PCDHA9: variants seen among roughly 807,000 people sequenced by gnomAD.
The protein encoded by PCDHA9 is protocadherin alpha-9.
PCDHA9 carries 62 observed loss-of-function variants against 62.0 expected under a neutral mutation model. The ratio of observed to expected loss-of-function variants is 1.00; its 90% CI spans 0.81 to 1.23. The LOEUF is 1.23. Among genes scored for constraint, PCDHA9 ranks in the 50% most tolerant of loss-of-function variants. The pLI is 0.00. For synonymous variants in PCDHA9, 557 were observed against 567.6 expected (o/e 0.98, Z 0.27); for missense variants, 1,205 against 1,249.8 (o/e 0.96, Z 0.54).
rs2153691387 is a variant in PCDHA9, at chr5:140,951,014, G to C, written c.2395-27935G>C. Among the ~76,000 whole-genome samples the C allele has an allele frequency of 1.3e-5, 2 of 151,872 alleles. 1 individual carries two copies. Among genetic ancestry groups the C allele is most frequent in the Middle Eastern group, 6.8e-3 (2 of 294 alleles). On this transcript the variant is annotated intron_variant, in intron 1 of 3. Coordinates refer to ENST00000532602, the MANE Select transcript of PCDHA9 (RefSeq NM_031857.2). The stretch of plus-strand genomic sequence containing the variant: ...TTAGCTCCATTTTTCCCAAGATCAG[G>C]CAGTGAGTTTTAATTTCAAATATTA...
chr5:140,898,358 A>T (rs2153460143), intron 1 of PCDHA9, among the ~76,000 whole-genome samples: 1 of 152,260 alleles, frequency 6.6e-6, no homozygotes, highest in Non-Finnish European at 1.5e-5. Flanking sequence ...TCTTGAATTA[A>T]TTTTTGTATA....
At position 140,950,404 on chromosome 5, in the gene PCDHA9, T is replaced by C. The variant is rs947428237; in HGVS notation, c.2395-28545T>C. ...TTGAATGATATAGAATTCTGGGGGATTGACAGATTTTATTTTCTTCCACTT... is the reference window on the plus strand; with the variant it reads ...TTGAATGATATAGAATTCTGGGGGACTGACAGATTTTATTTTCTTCCACTT... On this transcript the variant is annotated intron_variant, in intron 1 of 3. Coordinates refer to ENST00000532602, the MANE Select transcript of PCDHA9 (RefSeq NM_031857.2). 2.0e-5 allele frequency among the ~76,000 whole-genome samples: 3 copies of C among 152,044 alleles called. 1 individual carries two copies. Among genetic ancestry groups the C allele is most frequent in the East Asian group, 1.9e-4 (1 of 5,204 alleles).
intron 1 of PCDHA9, among the ~76,000 whole-genome samples, chr5:140,938,877 A>ACACACACACACACAGATG (rs2092241507): frequency 1.3e-5 from 2 of 150,854 alleles, no homozygotes; most frequent in South Asian, 4.2e-4. Context: ...TTAAGAAGCA[A>ACACACACACACACAGATG]CACACACACA....
intron 1 of PCDHA9, chr5:140,869,070 A>G (rs1554162449): frequency 6.4e-7 from 1 of 1,572,828 alleles, no homozygotes; most frequent in Non-Finnish European, 8.6e-7. Flanking sequence ...TGTAAGTGTA[A>G]AGAAGCTTAT....
Position 140,849,336 on chromosome 5 carries a change from T to G in PCDHA9, c.841T>G (p.Phe281Val). 5.7e-6 allele frequency: 8 copies of G among 1,396,714 alleles called. No individual in the cohort carries two copies. Among genetic ancestry groups the G allele is most frequent in the Non-Finnish European group, 6.9e-6 (7 of 1,020,642 alleles). The allele number at this position is 1,396,714 out of a possible 1,614,324, so 86.5% of individuals were successfully genotyped here. A position where few individuals can be genotyped will look rare whatever the true frequency, so the allele number is the denominator to read the frequency against. ...EGLNGDIIYS[F>V]SSDVSPDIKS... ...CTTGAATGGGGATATTATTTACTCC[T>G]TCTCCAGTGATGTTTCTCCAGATAT... Residue 281 changes from phenylalanine to valine, a missense_variant, in exon 1 of 4, where the codon TTC becomes GTC. Coordinates refer to ENST00000532602, the MANE Select transcript of PCDHA9 (RefSeq NM_031857.2).
chr5:140,889,241 T>C (rs987868473), intron 1 of PCDHA9, among the ~76,000 whole-genome samples: 120 of 151,950 alleles, frequency 7.9e-4, no homozygotes, highest in African/African-American at 2.7e-3. Context: ...TCCAGAAAAT[T>C]TTCTGTTTCC....
intron 3 of PCDHA9, among the ~76,000 whole-genome samples, chr5:140,995,389 G>T (rs1377788418): frequency 6.6e-6 from 1 of 152,190 alleles, no homozygotes; most frequent in Non-Finnish European, 1.5e-5. Context: ...GCAGGATAAA[G>T]CGGGATGGCT....
chr5:140,937,199 G>A (rs2091405017), intron 1 of PCDHA9, among the ~76,000 whole-genome samples: 2 of 151,792 alleles, frequency 1.3e-5, no homozygotes, highest in Admixed American at 6.6e-5. Context: ...CACCATGCCC[G>A]GCTAATTTTT....
chr5:140,899,936 T>A (rs1443562291), intron 1 of PCDHA9, among the ~76,000 whole-genome samples: 1 of 152,064 alleles, frequency 6.6e-6, no homozygotes, highest in Non-Finnish European at 1.5e-5. Context: ...GCCTCCTGAA[T>A]AGCTGGGACC....
chr5:140,868,262 C>T (rs904607540), intron 1 of PCDHA9: 10 of 151,822 alleles, frequency 6.6e-5, no homozygotes, highest in African/African-American at 2.4e-4. Flanking sequence ...TTTGTGGATT[C>T]TTTTTTAAAA....
chr5:140,944,209 A>T (rs1003348568), intron 1 of PCDHA9, among the ~76,000 whole-genome samples: 5 of 152,298 alleles, frequency 3.3e-5, no homozygotes, highest in Non-Finnish European at 5.9e-5. Flanking sequence ...TTGTTTTTAA[A>T]GAGGGTTTTA....
intron 1 of PCDHA9, among the ~76,000 whole-genome samples, chr5:140,957,852 A>T (rs968818783): frequency 6.6e-6 from 1 of 151,658 alleles, no homozygotes. Flanking sequence ...GAGTTTGTGT[A>T]TTTTTTTTCC....
chr5:140,888,572 A>G (rs1354616132), intron 1 of PCDHA9, among the ~76,000 whole-genome samples: 1 of 152,196 alleles, frequency 6.6e-6, no homozygotes, highest in Admixed American at 6.5e-5. Context: ...GCTTCATTTT[A>G]AGATTTGTTA....
At chr5:140,905,211 G>T (rs1554191947) in intron 1 of PCDHA9, among the ~76,000 whole-genome samples, 1 of 152,130 alleles carries the variant, frequency 6.6e-6, no homozygotes, top group South Asian at 2.1e-4. Context: ...GTTGATTTTT[G>T]TGTAAGGTGA....
At chr5:140,966,687 G>A in intron 1 of PCDHA9, 1 of 1,340,546 alleles carries the variant, frequency 7.5e-7, no homozygotes, top group East Asian at 2.9e-5. Flanking sequence ...ACGAGCGGAG[G>A]CGGGGCCCGG....
chr5:140,872,381 A>G (rs1211312378), intron 1 of PCDHA9, among the ~76,000 whole-genome samples: 2 of 152,058 alleles, frequency 1.3e-5, no homozygotes, highest in Non-Finnish European at 2.9e-5. Context: ...AATCCCAGCT[A>G]TTTGGGAGGC....
intron 1 of PCDHA9, among the ~76,000 whole-genome samples, chr5:140,878,501 C>T (rs186968165): frequency 5.9e-5 from 9 of 152,226 alleles, no homozygotes; most frequent in Admixed American, 2.0e-4. Flanking sequence ...ACCATCTGTA[C>T]GATACAGTAC....
At position 140,877,186 on chromosome 5, in the gene PCDHA9, A is replaced by C; in HGVS notation, c.2394+26297A>C. On this transcript the variant is annotated intron_variant, in intron 1 of 3. Coordinates refer to ENST00000532602, the MANE Select transcript of PCDHA9 (RefSeq NM_031857.2). The stretch of plus-strand genomic sequence containing the variant: ...GGCACTGCTGGCGACTCCGGCTGGC[A>C]GCGCAGGAGGCGCAGTTAGCGAGTT... 1 of 1,613,832 alleles carries C rather than the reference A, an allele frequency of 6.2e-7. No homozygotes were observed. Among genetic ancestry groups the C allele is most frequent in the Non-Finnish European group, 8.5e-7 (1 of 1,179,822 alleles).
intron 3 of PCDHA9, among the ~76,000 whole-genome samples, chr5:140,989,548 T>G (rs914557459): frequency 1.3e-5 from 2 of 152,166 alleles, no homozygotes; most frequent in Non-Finnish European, 2.9e-5. Flanking sequence ...TGTAATTCCT[T>G]TACGTTTTGT....
Sources: allele counts gnomAD v4.1 joint callset (sites outside exome capture counted in the v4.1 genomes callset), GRCh38; gene constraint gnomAD v4.1.1; transcripts MANE v1.5; gene names NCBI Gene and HGNC (gene_info 2026-07-23, HGNC 2026-07-21).